The following PCDH7 variants were observed in gnomAD, a reference collection of about 807,000 sequenced individuals.
The protein encoded by PCDH7 is protocadherin-7.
A neutral mutation model predicts 58.9 loss-of-function variants in PCDH7; 17 were observed. That is an observed-to-expected ratio of 0.29 (90% CI 0.20 to 0.43). The LOEUF is 0.43. PCDH7 is among the 20% of genes least tolerant of loss of function. The probability of loss-of-function intolerance (pLI) is 1.00; values close to 1 mark genes in which losing one functional copy is unlikely to be tolerated. For synonymous variants in PCDH7, 664 were observed against 616.4 expected (o/e 1.08, Z -1.14); for missense variants, 1,274 against 1,441.0 (o/e 0.88, Z 1.88).
intron 3 of PCDH7, among the ~76,000 whole-genome samples, chr4:31,136,097 T>C (rs1719563672): frequency 6.6e-6 from 1 of 152,228 alleles, no homozygotes; most frequent in Non-Finnish European, 1.5e-5. Flanking sequence ...AAAGTTAGAA[T>C]GTGAATCTAG....
At chr4:30,847,335 G>C (rs1055854430) in intron 1 of PCDH7, among the ~76,000 whole-genome samples, 15 of 152,088 alleles carry the variant, frequency 9.9e-5, no homozygotes, top group Admixed American at 9.8e-4. Flanking sequence ...CTGCATTAGA[G>C]GGCTGATTCA....
intron 1 of PCDH7, among the ~76,000 whole-genome samples, chr4:30,853,181 A>G (rs1055255099): frequency 6.6e-6 from 1 of 152,110 alleles, no homozygotes; most frequent in Admixed American, 6.6e-5. Context: ...GGAGTCAGAG[A>G]GACATAAATT....
intron 1 of PCDH7, among the ~76,000 whole-genome samples, chr4:30,826,246 A>G (rs75523206): frequency 3.9e-5 from 6 of 152,194 alleles, no homozygotes; most frequent in African/African-American, 1.4e-4. Context: ...AATTTCGTGA[A>G]AGGGAAGCAG....
chr4:30,728,067 A>G (rs929063127), intron 1 of PCDH7, among the ~76,000 whole-genome samples: 1 of 151,788 alleles, frequency 6.6e-6, no homozygotes, highest in African/African-American at 2.4e-5. Context: ...CATTAACTTC[A>G]GTGACAGTTT....
intron 1 of PCDH7, among the ~76,000 whole-genome samples, chr4:30,756,551 C>T (rs1266352546): frequency 5.9e-5 from 9 of 152,314 alleles, no homozygotes; most frequent in East Asian, 5.8e-4. Context: ...ACCCCGAATA[C>T]GGTACAACCT....
intron 1 of PCDH7, among the ~76,000 whole-genome samples, chr4:30,858,434 T>G (rs577054159): frequency 6.6e-6 from 1 of 152,294 alleles, no homozygotes; most frequent in East Asian, 1.9e-4. Context: ...CTATGTCTTT[T>G]TTGTTGTTTT....
chr4:30,953,694 T>C (rs1466315857), intron 3 of PCDH7, among the ~76,000 whole-genome samples: 1 of 152,182 alleles, frequency 6.6e-6, no homozygotes, highest in African/African-American at 2.4e-5. Flanking sequence ...TAATTAATTT[T>C]AAAAATAGCA....
intron 1 of PCDH7, among the ~76,000 whole-genome samples, chr4:30,729,883 G>C (rs894813120): frequency 3.3e-5 from 5 of 151,812 alleles, no homozygotes; most frequent in African/African-American, 1.2e-4. Context: ...TTGTTAGGCA[G>C]TTAACCAATC....
At chr4:30,903,048 G>A (rs1374978756) in intron 1 of PCDH7, among the ~76,000 whole-genome samples, 4 of 152,190 alleles carry the variant, frequency 2.6e-5, no homozygotes, top group Non-Finnish European at 4.4e-5. Flanking sequence ...ATGGCCAAAA[G>A]TACATCTGAC....
intron 1 of PCDH7, among the ~76,000 whole-genome samples, chr4:30,761,749 T>A (rs1720054079): frequency 6.6e-6 from 1 of 152,214 alleles, no homozygotes; most frequent in South Asian, 2.1e-4. Flanking sequence ...GAATATGCTT[T>A]ATTTTGTGTT....
intron 3 of PCDH7, among the ~76,000 whole-genome samples, chr4:31,052,842 A>G (rs1756867393): frequency 6.6e-6 from 1 of 152,182 alleles, no homozygotes; most frequent in Non-Finnish European, 1.5e-5. Flanking sequence ...AATGAAAATA[A>G]TATAATCAAA....
At chr4:30,995,086 C>T (rs1751767291) in intron 3 of PCDH7, among the ~76,000 whole-genome samples, 1 of 152,108 alleles carries the variant, frequency 6.6e-6, no homozygotes, top group Non-Finnish European at 1.5e-5. Flanking sequence ...GAATTAATAT[C>T]ATTTTAAATT....
chr4:30,870,432 T>G (rs1735435859), intron 1 of PCDH7, among the ~76,000 whole-genome samples: 1 of 152,146 alleles, frequency 6.6e-6, no homozygotes, highest in African/African-American at 2.4e-5. Flanking sequence ...TATGTAAGTC[T>G]TTAGATTTAC....
At chr4:31,142,594 G>A (rs770025912) in exon 4 of PCDH7, 1 of 1,367,802 alleles carries the variant, frequency 7.3e-7, no homozygotes, top group Non-Finnish European at 9.8e-7. Context: ...AGAAGAGCCA[G>A]CCTAAACTGT....
chr4:31,036,996 C>T (rs1241995270), intron 3 of PCDH7, among the ~76,000 whole-genome samples: 1 of 151,992 alleles, frequency 6.6e-6, no homozygotes, highest in Middle Eastern at 3.2e-3. Flanking sequence ...AAGATCCACC[C>T]CCCTGATTCA....
At chr4:30,745,431 A>T (rs1717655621) in intron 1 of PCDH7, among the ~76,000 whole-genome samples, 2 of 152,036 alleles carry the variant, frequency 1.3e-5, no homozygotes, top group African/African-American at 4.8e-5. Context: ...ACTTGTTATC[A>T]GCTGGCTTTC....
At chr4:30,999,446 T>G (rs1036246556) in intron 3 of PCDH7, among the ~76,000 whole-genome samples, 10 of 152,248 alleles carry the variant, frequency 6.6e-5, no homozygotes, top group Admixed American at 4.6e-4. Flanking sequence ...GAGAGAAAAC[T>G]ATTTCTCAGG....
At chr4:30,834,847 A>G (rs540818618) in intron 1 of PCDH7, among the ~76,000 whole-genome samples, 2 of 151,802 alleles carry the variant, frequency 1.3e-5, no homozygotes, top group South Asian at 4.1e-4. Flanking sequence ...ACAAAGCAAT[A>G]TTTTTCCACT....
rs569420670 is a variant in PCDH7 at position 30,720,966 on chromosome 4, A to G, written c.-457A>G. ...GGCAGGCGGGGGAGGCTGCAGGCTC[A>G]TTCCCCACCTCTTCCCAGCCCCACT... On this transcript the variant is annotated 5_prime_UTR_variant, in exon 1 of 2. Transcript: ENST00000361762. This position sits in a 1 kb window ranked among gnomAD's most constrained non-coding sequence, Gnocchi z 4.7. The G allele has an allele frequency of 1.7e-3, 269 of 161,316 alleles. No individual in the cohort carries two copies. Among genetic ancestry groups the G allele is most frequent in the African/African-American group, 4.7e-3 (195 of 41,910 alleles). 10.0% of individuals were successfully genotyped at this position (161,316 alleles called of 1,614,324 possible).
Sources: allele counts gnomAD v4.1 joint callset (sites outside exome capture counted in the v4.1 genomes callset), GRCh38; gene constraint gnomAD v4.1.1; non-coding constraint Gnocchi (gnomAD v3.1); transcripts MANE v1.5; gene names NCBI Gene and HGNC (gene_info 2026-07-23, HGNC 2026-07-21).